Variants in XRCC4 observed in about 807,000 individuals in gnomAD.
XRCC4 encodes DNA repair protein XRCC4.
XRCC4 carries 28 observed loss-of-function variants against 39.1 expected under a neutral mutation model. That is an observed-to-expected ratio of 0.72 (90% CI 0.53 to 0.98). The LOEUF (loss-of-function observed/expected upper bound fraction) is 0.98. Ranked by LOEUF, XRCC4 falls within the 50% of genes least tolerant of loss-of-function variation. The pLI is 0.00. For missense variants in XRCC4, 350 were observed against 376.4 expected (o/e 0.93, Z 0.58); for synonymous variants, 123 against 126.4 (o/e 0.97, Z 0.18).
At chr5:83,291,863 A>G (rs536512336) in intron 7 of XRCC4, among the ~76,000 whole-genome samples, 13 of 151,800 alleles carry the variant, frequency 8.6e-5, no homozygotes, top group African/African-American at 2.9e-4. Flanking sequence ...CTTCAGATAT[A>G]GTTCAGATGG....
intron 3 of XRCC4, among the ~76,000 whole-genome samples, chr5:83,163,371 A>G (rs551740838): frequency 6.6e-6 from 1 of 152,354 alleles, no homozygotes; most frequent in Admixed American, 6.5e-5. Flanking sequence ...AAATTGACCC[A>G]TAGTTGTACA....
chr5:83,149,214 A>T (rs867295059), intron 3 of XRCC4, among the ~76,000 whole-genome samples: 45 of 152,304 alleles, frequency 3.0e-4, no homozygotes, highest in African/African-American at 1.1e-3. Flanking sequence ...TTGAAATGTG[A>T]GAAAAGTCTC....
At chr5:83,334,280 C>T (rs898756204) in intron 7 of XRCC4, among the ~76,000 whole-genome samples, 2 of 152,096 alleles carry the variant, frequency 1.3e-5, no homozygotes, top group African/African-American at 4.8e-5. Context: ...CTACTTCTTA[C>T]TCTAACATTC....
At chr5:83,278,879 G>A (rs4317300) in intron 7 of XRCC4, among the ~76,000 whole-genome samples, 6 of 150,100 alleles carry the variant, frequency 4.0e-5, no homozygotes, top group South Asian at 2.1e-4. Context: ...TCCCAGGTAC[G>A]TAGGGGGCTG....
chr5:83,138,284 A>T (rs565067485), intron 3 of XRCC4, among the ~76,000 whole-genome samples: 187 of 152,278 alleles, frequency 1.2e-3, no homozygotes, highest in African/African-American at 4.3e-3. Context: ...GAAGTGCACT[A>T]TAAATAACAT....
intron 7 of XRCC4, among the ~76,000 whole-genome samples, chr5:83,314,832 C>T (rs1174271253): frequency 6.6e-6 from 1 of 152,042 alleles, no homozygotes; most frequent in African/African-American, 2.4e-5. Context: ...CTGCTCATGT[C>T]CCTCCCTCTC....
the XRCC4 span, among the ~76,000 whole-genome samples, chr5:83,373,225 C>A: frequency 9.9e-5 from 15 of 152,056 alleles, no homozygotes; most frequent in Middle Eastern, 3.2e-3. Context: ...TTTATTCATG[C>A]AGAAGAGCTC....
chr5:83,267,772 GA>G (rs1244381888), intron 7 of XRCC4, among the ~76,000 whole-genome samples: 1 of 152,152 alleles, frequency 6.6e-6, no homozygotes, highest in Non-Finnish European at 1.5e-5. Context: ...CTTTGTTAGA[GA>G]AATCTGGGAT....
At chr5:83,200,677 G>A (rs1751151413) in intron 4 of XRCC4, among the ~76,000 whole-genome samples, 1 of 152,128 alleles carries the variant, frequency 6.6e-6, no homozygotes, top group South Asian at 2.1e-4. Context: ...ACTTAAACCA[G>A]ATAAATTACT....
At chr5:83,122,882 A>T (rs139634582) in intron 3 of XRCC4, among the ~76,000 whole-genome samples, 1 of 152,128 alleles carries the variant, frequency 6.6e-6, no homozygotes, top group Non-Finnish European at 1.5e-5. Context: ...ATTTAGGTCC[A>T]TTGTTGTTAG....
intron 6 of XRCC4, among the ~76,000 whole-genome samples, chr5:83,239,418 C>T (rs551884588): frequency 1.3e-5 from 2 of 152,310 alleles, no homozygotes; most frequent in East Asian, 1.9e-4. Flanking sequence ...CTGTGATTTA[C>T]AGAGAAGATT....
At chr5:83,105,120 G>A (rs2112375169) in intron 2 of XRCC4, 62 bp downstream of exon 2, 1 of 1,484,688 alleles carries the variant, frequency 6.7e-7, no homozygotes, top group Non-Finnish European at 9.0e-7. Flanking sequence ...CAGTCCTCAG[G>A]GATACTTTTC....
At chr5:83,190,159 T>C (rs756017502) in intron 3 of XRCC4, among the ~76,000 whole-genome samples, 3 of 152,160 alleles carry the variant, frequency 2.0e-5, no homozygotes, top group Non-Finnish European at 4.4e-5. Context: ...GATTCAAAAC[T>C]ACAACCAAAA....
At chr5:83,202,383 A>C (rs1022096895) in intron 4 of XRCC4, among the ~76,000 whole-genome samples, 2 of 152,184 alleles carry the variant, frequency 1.3e-5, no homozygotes, top group Admixed American at 1.3e-4. Context: ...ATCTTTGGCA[A>C]AGACTGTGCT....
At chr5:83,351,903 G>A (rs568180638) in intron 7 of XRCC4, among the ~76,000 whole-genome samples, 1 of 152,152 alleles carries the variant, frequency 6.6e-6, no homozygotes, top group East Asian at 1.9e-4. Flanking sequence ...GATATTTGGG[G>A]GTTTTCATTG....
intron 7 of XRCC4, among the ~76,000 whole-genome samples, chr5:83,335,720 A>G (rs1036148691): frequency 4.6e-5 from 7 of 152,062 alleles, no homozygotes; most frequent in Admixed American, 4.6e-4. Context: ...GGATTTTACA[A>G]TTGAGTTGAC....
chr5:83,141,588 A>G (rs1748176281), intron 3 of XRCC4, among the ~76,000 whole-genome samples: 2 of 152,032 alleles, frequency 1.3e-5, no homozygotes, highest in Non-Finnish European at 2.9e-5. Flanking sequence ...ATGTCTCTAA[A>G]GGTCATTTCT....
intron 6 of XRCC4, among the ~76,000 whole-genome samples, chr5:83,234,099 G>T (rs966515568): frequency 6.6e-6 from 1 of 152,082 alleles, no homozygotes. Flanking sequence ...AGAAAATTAG[G>T]TAATCTGCAA....
intron 3 of XRCC4, among the ~76,000 whole-genome samples, chr5:83,133,983 G>A (rs1341809909): frequency 5.3e-5 from 8 of 152,152 alleles, no homozygotes; most frequent in African/African-American, 1.9e-4. Context: ...GGCTGTGCGT[G>A]GTGCTCGCGG....
Sources: gnomAD v4.1 joint callset for allele counts (sites outside exome capture counted in the v4.1 genomes callset) on GRCh38, gnomAD v4.1.1 for gene constraint, MANE v1.5 for transcripts, NCBI Gene and HGNC (gene_info 2026-07-23, HGNC 2026-07-21) for gene names.